Variants in RAD51 observed in about 807,000 individuals in gnomAD.
RAD51 encodes DNA repair protein RAD51 homolog 1.
In RAD51, 14 loss-of-function variants were observed where a neutral mutation model predicts 41.5. That is an observed-to-expected ratio of 0.34 (90% CI 0.22 to 0.53). The LOEUF is 0.53. RAD51 is among the 20% of genes least tolerant of loss of function. The pLI is 0.95. For missense variants in RAD51, 234 were observed against 422.0 expected, an observed-to-expected ratio of 0.55 and a Z score of 3.90; for synonymous variants, 136 against 148.6, an observed-to-expected ratio of 0.92 and a Z score of 0.62.
At chr15:40,712,185 A>C (rs2141843295) in intron 5 of RAD51, among the ~76,000 whole-genome samples, 1 of 152,326 alleles carries the variant, frequency 6.6e-6, no homozygotes, top group South Asian at 2.1e-4. Context: ...AGTGACAATA[A>C]AGAGAAGTAG....
intron 8 of RAD51, 33 bp downstream of exon 8, chr15:40,729,667 C>T: frequency 6.2e-7 from 1 of 1,612,860 alleles, no homozygotes; most frequent in Non-Finnish European, 8.5e-7. Flanking sequence ...AGAATGCCTA[C>T]TTTCAGTGGC....
chr15:40,717,013 G>A (rs1481906929), intron 5 of RAD51, among the ~76,000 whole-genome samples: 1 of 150,552 alleles, frequency 6.6e-6, no homozygotes, highest in Non-Finnish European at 1.5e-5. Flanking sequence ...GCATATAGTT[G>A]TTTTGTAATT....
At chr15:40,712,178 G>A (rs926660325) in intron 5 of RAD51, among the ~76,000 whole-genome samples, 7 of 152,098 alleles carry the variant, frequency 4.6e-5, no homozygotes, top group Non-Finnish European at 7.4e-5. Context: ...CTAAGATAGT[G>A]ACAATAAAGA....
In RAD51 at chr15:40,731,256, C is replaced by A; in HGVS notation, c.*78C>A. 1 of 1,585,630 alleles carries A rather than the reference C, an allele frequency of 6.3e-7. No individual in the cohort carries two copies. The highest frequency in any genetic ancestry group is 2.2e-5 in the East Asian group (1 of 44,670). On this transcript the variant is annotated 3_prime_UTR_variant, in exon 10 of 10. Coordinates refer to ENST00000267868, the MANE Select transcript of RAD51 (RefSeq NM_002875.5). ...GTGCACTGCTCCCTGGGGTTCTCTA[C>A]AGGCCTCTTCCTGTTGTGACTGCCA...
intron 7 of RAD51, among the ~76,000 whole-genome samples, chr15:40,729,110 A>C (rs540748631): frequency 1.9e-3 from 282 of 152,192 alleles, no homozygotes; most frequent in African/African-American, 6.0e-3. Flanking sequence ...CGGTGGCTCA[A>C]GCCTGTAATC....
At chr15:40,731,015 T>C in intron 9 of RAD51, 40 bp from the exon 10 acceptor site, 1 of 1,613,420 alleles carries the variant, frequency 6.2e-7, no homozygotes, top group Non-Finnish European at 8.5e-7. Flanking sequence ...AATTGTTTAA[T>C]TATAATAAAT....
At chr15:40,727,860 C>CTTTT (rs754071390) in intron 6 of RAD51, among the ~76,000 whole-genome samples, 3 of 132,270 alleles carry the variant, frequency 2.3e-5, no homozygotes, top group Non-Finnish European at 3.2e-5. Flanking sequence ...TAAACATTCT[C>CTTTT]TTTTTTTTTT....
intron 2 of RAD51, among the ~76,000 whole-genome samples, chr15:40,699,072 T>A (rs1894828032): frequency 6.6e-6 from 1 of 152,250 alleles, no homozygotes; most frequent in Non-Finnish European, 1.5e-5. Flanking sequence ...TTATCATTTT[T>A]ATTTCTGAGA....
At chr15:40,696,956 T>G (rs1401958943) in intron 1 of RAD51, among the ~76,000 whole-genome samples, 1 of 152,224 alleles carries the variant, frequency 6.6e-6, no homozygotes, top group African/African-American at 2.4e-5. Flanking sequence ...TTCTTACTGA[T>G]GTGAAGTTCT....
intron 5 of RAD51, among the ~76,000 whole-genome samples, chr15:40,709,498 C>T (rs975259592): frequency 2.6e-5 from 4 of 151,496 alleles, no homozygotes; most frequent in East Asian, 3.9e-4. Context: ...ATCAACCTCC[C>T]GAGTACCTGG....
At chr15:40,712,938 G>A (rs2141845036) in intron 5 of RAD51, among the ~76,000 whole-genome samples, 1 of 139,670 alleles carries the variant, frequency 7.2e-6, no homozygotes, top group South Asian at 2.3e-4. Flanking sequence ...TAGTGCAGTG[G>A]TGTGATCTTG....
chr15:40,729,169 G>A (rs745565688), intron 7 of RAD51, among the ~76,000 whole-genome samples: 3 of 151,932 alleles, frequency 2.0e-5, no homozygotes, highest in Non-Finnish European at 4.4e-5. Context: ...TCAGGAGATC[G>A]AGAACATCCT....
At chr15:40,713,073 G>GT (rs1223003433) in intron 5 of RAD51, among the ~76,000 whole-genome samples, 29 of 151,108 alleles carry the variant, frequency 1.9e-4, no homozygotes, top group African/African-American at 7.0e-4. Flanking sequence ...TAGAGACGAG[G>GT]TTTCACCATG....
chr15:40,728,877 T>G, intron 7 of RAD51, 53 bp downstream of exon 7: 1 of 1,442,930 alleles, frequency 6.9e-7, no homozygotes, highest in Non-Finnish European at 9.8e-7. Flanking sequence ...CTTCCCTGAA[T>G]CTTGTAATGG....
chr15:40,729,474 A>C (rs770093961), intron 7 of RAD51, 31 bp from the exon 8 acceptor site: 2 of 1,611,626 alleles, frequency 1.2e-6, no homozygotes. Flanking sequence ...CAGGCTAGAA[A>C]TAGGCTTCAG....
chr15:40,718,974 G>A (rs193293826), intron 6 of RAD51, 75 bp downstream of exon 6: 249 of 1,346,756 alleles, frequency 1.8e-4, no homozygotes, highest in Admixed American at 3.0e-4. Context: ...TAGTTTGGCC[G>A]AAGAATGTCT....
chr15:40,716,363 C>T lies in RAD51; in HGVS notation c.436-2442C>T, dbSNP rs544929454. On this transcript the variant is annotated intron_variant, in intron 5 of 9. Transcript: ENST00000267868. ...GGTGAAGAGCTTTCAGTTTTTTCTC[C>T]GCCACTTCCTCTTTTTTTTTTTAGA... Among the ~76,000 whole-genome samples the T allele has an allele frequency of 7.3e-5, 11 of 151,548 alleles. No homozygotes were observed. The East Asian group carries it at 1.7e-3, about 24-fold the overall frequency.
rs1294511621 is a variant in RAD51 at position 40,729,782 on chromosome 15, A to C, written c.775-71A>C. The C allele has an allele frequency of 3.7e-6, 6 of 1,612,114 alleles. No homozygotes were observed. The Admixed American group carries it at 6.7e-5, about 18-fold the overall frequency. On this transcript the variant is annotated intron_variant, in intron 8 of 9. Coordinates refer to ENST00000267868, the MANE Select transcript of RAD51 (RefSeq NM_002875.5). ...TAGTTATTCGTTATTTTGTGGGGGA[A>C]AGTGGTGGCAGCATTAAGGCTTTTG...
intron 5 of RAD51, among the ~76,000 whole-genome samples, chr15:40,710,501 CAAA>C (rs747933816): frequency 4.7e-4 from 23 of 48,758 alleles, no homozygotes; most frequent in African/African-American, 1.4e-3. Context: ...GACTCTGTCT[CAAA>C]AAAAAAAAAA....
Sources: gnomAD v4.1 joint callset for allele counts (sites outside exome capture counted in the v4.1 genomes callset) on GRCh38, gnomAD v4.1.1 for gene constraint, MANE v1.5 for transcripts, NCBI Gene and HGNC (gene_info 2026-07-23, HGNC 2026-07-21) for gene names.